ADAMTS6: variants seen among roughly 807,000 people sequenced by gnomAD.
ADAMTS6 encodes the protein ADAM metallopeptidase with thrombospondin type 1 motif 6, also known as A disintegrin and metalloproteinase with thrombospondin motifs 6.
Under a neutral mutation model 144.3 loss-of-function variants are expected in ADAMTS6, and 23 were observed. The ratio of observed to expected loss-of-function variants is 0.16; its 90% confidence interval spans 0.11 to 0.23. The LOEUF (loss-of-function observed/expected upper bound fraction) is 0.23. Ranked by LOEUF, ADAMTS6 falls within the 10% of genes least tolerant of loss-of-function variation. The pLI is 1.00. For missense variants in ADAMTS6, 999 were observed against 1,379.6 expected, an observed-to-expected ratio of 0.72 and a Z score of 4.37; for synonymous variants, 444 against 457.5, an observed-to-expected ratio of 0.97 and a Z score of 0.38.
intron 18 of ADAMTS6, among the ~76,000 whole-genome samples, chr5:65,215,867 T>C (rs559735402): frequency 6.6e-6 from 1 of 152,100 alleles, no homozygotes; most frequent in Non-Finnish European, 1.5e-5. Flanking sequence ...CCTGTTGCAC[T>C]TGGACACAGA....
intron 15 of ADAMTS6, among the ~76,000 whole-genome samples, chr5:65,230,820 C>A: frequency 3.0e-5 from 2 of 65,676 alleles, no homozygotes; most frequent in African/African-American, 9.2e-5. Context: ...ATATATAATA[C>A]ATATGTATAA....
At chr5:65,409,969 C>A (rs1031416352) in intron 7 of ADAMTS6, among the ~76,000 whole-genome samples, 1 of 152,162 alleles carries the variant, frequency 6.6e-6, no homozygotes, top group African/African-American at 2.4e-5. Context: ...AAGGTTTGAC[C>A]GCTATTAAAA....
Position 65,275,383 on chromosome 5 carries a change from G to C in ADAMTS6, c.1513-1936C>G, listed in dbSNP as rs530959345. On this transcript the variant is annotated intron_variant, in intron 11 of 24. Coordinates refer to ENST00000381055, the MANE Select transcript of ADAMTS6 (RefSeq NM_197941.4). ...AGAAAGAAAGAAAGAAAGAAAGAAA[G>C]AAAGAAAGAAAGAAAGAAAGAAAGA... Among the ~76,000 whole-genome samples, 147 of 130,456 alleles carry C rather than the reference G, an allele frequency of 1.1e-3. 1 individual carries two copies. The highest frequency in any genetic ancestry group is 4.0e-3 in the African/African-American group (137 of 34,122). 85.6% of individuals were successfully genotyped at this position (130,456 alleles called of 152,430 possible).
intron 14 of ADAMTS6, among the ~76,000 whole-genome samples, chr5:65,258,252 A>G (rs1760866069): frequency 6.6e-6 from 1 of 152,170 alleles, no homozygotes; most frequent in Admixed American, 6.5e-5. Flanking sequence ...AGGTGAGGCG[A>G]GAGAGTTAAC....
intron 7 of ADAMTS6, among the ~76,000 whole-genome samples, chr5:65,412,861 T>A (rs1435116689): frequency 6.6e-6 from 1 of 152,096 alleles, no homozygotes; most frequent in Non-Finnish European, 1.5e-5. Flanking sequence ...ATACCAGAGT[T>A]TTTTAATCCA....
intron 7 of ADAMTS6, among the ~76,000 whole-genome samples, chr5:65,372,310 G>C (rs1751035904): frequency 6.6e-6 from 1 of 151,668 alleles, no homozygotes; most frequent in African/African-American, 2.4e-5. Context: ...ACACAGACTG[G>C]CAAATTGGAT....
chr5:65,229,900 A>G (rs1758014711), intron 15 of ADAMTS6, among the ~76,000 whole-genome samples: 1 of 152,168 alleles, frequency 6.6e-6, no homozygotes, highest in Non-Finnish European at 1.5e-5. Context: ...ACATTCAAAT[A>G]CATGAAGCTC....
intron 7 of ADAMTS6, among the ~76,000 whole-genome samples, chr5:65,436,477 C>T (rs1757414950): frequency 6.6e-6 from 1 of 152,166 alleles, no homozygotes; most frequent in South Asian, 2.1e-4. Context: ...ACTGCTCCCA[C>T]CTCAAAGCCA....
At chr5:65,345,304 A>G (rs551216605) in intron 7 of ADAMTS6, among the ~76,000 whole-genome samples, 1 of 151,908 alleles carries the variant, frequency 6.6e-6, no homozygotes, top group Admixed American at 6.6e-5. Flanking sequence ...AAACCACAAA[A>G]GATAAGAAAA....
At chr5:65,175,237 A>G (rs1262898325) in intron 22 of ADAMTS6, among the ~76,000 whole-genome samples, 2 of 151,608 alleles carry the variant, frequency 1.3e-5, no homozygotes, top group Non-Finnish European at 2.9e-5. Context: ...AGAGGAAGAG[A>G]CAGAGAGACA....
At chr5:65,379,835 TATAATTATATAA>T (rs1324843835) in intron 7 of ADAMTS6, among the ~76,000 whole-genome samples, 4 of 152,174 alleles carry the variant, frequency 2.6e-5, no homozygotes, top group South Asian at 4.1e-4. Context: ...TGTGTTTATA[TATAATTATATAA>T]ATAATTATAT....
chr5:65,220,741 C>T (rs576718126), intron 18 of ADAMTS6, among the ~76,000 whole-genome samples: 4 of 149,788 alleles, frequency 2.7e-5, no homozygotes, highest in South Asian at 2.1e-4. Context: ...AGCGAGACTC[C>T]GTCTCAAAAA....
intron 1 of ADAMTS6, among the ~76,000 whole-genome samples, chr5:65,481,044 A>T (rs1383608239): frequency 1.3e-5 from 2 of 152,188 alleles, no homozygotes; most frequent in Non-Finnish European, 2.9e-5. Context: ...GATTACAATA[A>T]TCATAATCAA....
chr5:65,447,718 T>C (rs532037820), intron 7 of ADAMTS6, among the ~76,000 whole-genome samples: 7 of 152,026 alleles, frequency 4.6e-5, no homozygotes, highest in African/African-American at 1.7e-4. Flanking sequence ...CATCAAATAA[T>C]TCTAACATAT....
At chr5:65,299,955 A>G in intron 10 of ADAMTS6, 30 bp downstream of exon 10, 2 of 1,600,262 alleles carry the variant, frequency 1.2e-6, no homozygotes, top group South Asian at 2.3e-5. Flanking sequence ...TTCTGGAGCT[A>G]TTTATCATCA....
chr5:65,341,346 C>G (rs1382608187), intron 7 of ADAMTS6, among the ~76,000 whole-genome samples: 2 of 151,128 alleles, frequency 1.3e-5, no homozygotes, highest in Non-Finnish European at 3.0e-5. Flanking sequence ...GAAGAAATAA[C>G]AAAATCAGAG....
At chr5:65,230,208 C>T (rs767199747) in intron 15 of ADAMTS6, among the ~76,000 whole-genome samples, 60 of 148,600 alleles carry the variant, frequency 4.0e-4, no homozygotes, top group Non-Finnish European at 6.2e-4. Context: ...AGGTAAGTTG[C>T]TAATAGCTTA....
At chr5:65,162,575 T>G (rs1752841001) in intron 24 of ADAMTS6, among the ~76,000 whole-genome samples, 1 of 151,246 alleles carries the variant, frequency 6.6e-6, no homozygotes, top group Admixed American at 6.6e-5. Flanking sequence ...TCTTCATTAA[T>G]AATACCAACT....
chr5:65,428,998 T>G (rs1756778291), intron 7 of ADAMTS6, among the ~76,000 whole-genome samples: 1 of 152,162 alleles, frequency 6.6e-6, no homozygotes, highest in African/African-American at 2.4e-5. Flanking sequence ...ACTGAGTATT[T>G]TTACTTGAAG....
Sources: gnomAD v4.1 joint callset for allele counts (sites outside exome capture counted in the v4.1 genomes callset) on GRCh38, gnomAD v4.1.1 for gene constraint, MANE v1.5 for transcripts, NCBI Gene and HGNC (gene_info 2026-07-23, HGNC 2026-07-21) for gene names.